The following ANLN variants were observed in gnomAD, a reference collection of about 807,000 sequenced individuals.
The protein encoded by ANLN is anillin, actin binding protein.
A neutral mutation model predicts 135.1 loss-of-function variants in ANLN; 59 were observed. The ratio of observed to expected loss-of-function variants is 0.44; its 90% CI spans 0.35 to 0.54. The LOEUF (loss-of-function observed/expected upper bound fraction) is 0.54, where lower values mean the gene tolerates loss of function less well. Ranked by LOEUF, ANLN falls within the 20% of genes least tolerant of loss-of-function variation. The probability of loss-of-function intolerance (pLI) is 0.00; values close to 1 mark genes in which losing one functional copy is unlikely to be tolerated. For synonymous variants in ANLN, 406 were observed against 456.4 expected (o/e 0.89, Z 1.41); for missense variants, 1,182 against 1,340.0 (o/e 0.88, Z 1.84).
chr7:36,438,550 T>C (rs1788640059), intron 20 of ANLN, among the ~76,000 whole-genome samples: 1 of 152,120 alleles, frequency 6.6e-6, no homozygotes. Flanking sequence ...TTTTTCATGT[T>C]TAATAGAGAC....
At chr7:36,420,075 T>C (rs1787810913) in intron 10 of ANLN, 94 bp from the exon 11 acceptor site, 2 of 1,267,550 alleles carry the variant, frequency 1.6e-6, no homozygotes, top group Non-Finnish European at 2.1e-6. Context: ...ACTGGATTTT[T>C]TTCTTAATAT....
chr7:36,450,660 C>G (rs1329409864), intron 23 of ANLN, among the ~76,000 whole-genome samples: 1 of 152,132 alleles, frequency 6.6e-6, no homozygotes, highest in African/African-American at 2.4e-5. Flanking sequence ...AGATTACTTC[C>G]AGATTTATTC....
chr7:36,408,048 A>G, intron 5 of ANLN, 92 bp downstream of exon 5: 6 of 1,025,524 alleles, frequency 5.9e-6, no homozygotes, highest in Non-Finnish European at 8.4e-6. Flanking sequence ...ATGGTACAGC[A>G]ATGATTTGCC....
chr7:36,396,045 A>G lies in ANLN; in HGVS notation c.19-221A>G, dbSNP rs138660020. ...AATTTGTGGCCGTTAAAAATCTTAT[A>G]TAACTAACTTTACATATTTTATTCC... On this transcript the variant is annotated intron_variant, in intron 1 of 23. Coordinates refer to ENST00000265748, the MANE Select transcript of ANLN (RefSeq NM_018685.5). 2.3e-3 allele frequency among the ~76,000 whole-genome samples: 351 copies of G among 152,340 alleles called. 2 individuals carry two copies. Among genetic ancestry groups the G allele is most frequent in the African/African-American group, 7.9e-3 (330 of 41,582 alleles).
chr7:36,404,470 C>A (rs549364788), intron 3 of ANLN, among the ~76,000 whole-genome samples: 2 of 152,342 alleles, frequency 1.3e-5, no homozygotes, highest in African/African-American at 4.8e-5. Flanking sequence ...TAAGCACTTA[C>A]ACACACTGTG....
intron 3 of ANLN, among the ~76,000 whole-genome samples, chr7:36,405,721 CAT>C (rs1261476890): frequency 2.6e-5 from 4 of 152,258 alleles, no homozygotes; most frequent in African/African-American, 4.8e-5. Flanking sequence ...AATGAAATAA[CAT>C]GTAGTTTATT....
At chr7:36,441,842 T>A (rs1161862387) in intron 21 of ANLN, among the ~76,000 whole-genome samples, 5 of 152,258 alleles carry the variant, frequency 3.3e-5, no homozygotes, top group Non-Finnish European at 7.3e-5. Context: ...GAGTGATTTG[T>A]GTTAACTTTC....
intron 2 of ANLN, among the ~76,000 whole-genome samples, chr7:36,398,757 C>T (rs913878199): frequency 6.6e-6 from 1 of 151,872 alleles, no homozygotes; most frequent in African/African-American, 2.4e-5. Context: ...TCTTTTATCC[C>T]TCGCCCCCCT....
chr7:36,406,347 C>G lies in ANLN; in HGVS notation c.654C>G (p.His218Gln), dbSNP rs1171493857. ...TICSWEDDVN[H>Q]SFAKQNSVQE... Reference sequence around the variant, plus strand: ...GCTCCTGGGAAGATGATGTAAATCACTCATTTGCAAAACAAAACAGTGTAC... The same window carrying G: ...GCTCCTGGGAAGATGATGTAAATCAGTCATTTGCAAAACAAAACAGTGTAC... Residue 218 changes from histidine (H) to glutamine (Q), a missense_variant, in exon 4 of 24, where the codon CAC becomes CAG. Around this residue, in one of 3 missense-constraint regions of ANLN, gnomAD observed 1,022 missense variants for 1,134.0 expected, o/e 0.90. Coordinates refer to ENST00000265748, the MANE Select transcript of ANLN (RefSeq NM_018685.5). 1 of 1,614,074 alleles carries G rather than the reference C, an allele frequency of 6.2e-7. No homozygotes were observed. Among genetic ancestry groups the G allele is most frequent in the African/African-American group, 1.3e-5 (1 of 74,936 alleles).
intron 2 of ANLN, 152 bp from the exon 3 acceptor site, chr7:36,398,927 G>C: frequency 1.6e-6 from 1 of 609,762 alleles, no homozygotes; most frequent in Non-Finnish European, 2.9e-6. Context: ...TGCTGAAAGA[G>C]AATGGGGTTT....
intron 17 of ANLN, 81 bp downstream of exon 17, chr7:36,424,823 C>A: frequency 1.4e-6 from 2 of 1,393,698 alleles, no homozygotes; most frequent in Non-Finnish European, 2.0e-6. Flanking sequence ...TTATGTACAA[C>A]TTTTAATGAT....
chr7:36,423,544 A>G (rs974191000), intron 14 of ANLN, among the ~76,000 whole-genome samples: 21 of 152,136 alleles, frequency 1.4e-4, no homozygotes, highest in African/African-American at 5.1e-4. Context: ...TCACTAGGTA[A>G]AATTCAAAAT....
chr7:36,424,558 A>G lies in ANLN; in HGVS notation c.2617A>G (p.Asn873Asp). The G allele has an allele frequency of 6.2e-7, 1 of 1,600,136 alleles. No homozygotes were observed. Among genetic ancestry groups the G allele is most frequent in the Non-Finnish European group, 8.5e-7 (1 of 1,172,556 alleles). The change falls in exon 16 of 24, where the codon AAT (asparagine) becomes GAT (aspartate). Residue 873 changes from asparagine (N) to aspartate (D), a missense_variant. Asn to Asp is a conservative substitution (Grantham distance 23). This residue lies in a region of ANLN where 1,022 missense variants were observed against 1,134.0 expected (regional missense o/e 0.90). Coordinates refer to ENST00000265748, the MANE Select transcript of ANLN (RefSeq NM_018685.5). ...TTATTTTTCCAGGCAAGATGTATCC[A>G]ATGACTTTGAAATAAATATTGAAGT... Reference protein sequence around the residue: ...TTTFTLQDVSNDFEINIEVYS... With the variant: ...TTTFTLQDVSDDFEINIEVYS...
Position 36,439,184 on chromosome 7 carries a change from T to C in ANLN, c.2884-20T>C. On this transcript the variant is annotated intron_variant, in intron 20 of 23. Coordinates refer to ENST00000265748, the MANE Select transcript of ANLN (RefSeq NM_018685.5). ...CACTTTGAACCTGTTTTGCAAATAA[T>C]TTACCTGTTTTCTTTGCAGGTCCCC... is the stretch of plus-strand genomic sequence containing the variant. 7.2e-7 allele frequency: 1 copy of C among 1,396,456 alleles called. No individual in the cohort carries two copies. Among genetic ancestry groups the C allele is most frequent in the Admixed American group, 1.8e-5 (1 of 55,606 alleles). 86.5% of individuals were successfully genotyped at this position (1,396,456 alleles called of 1,614,324 possible).
intron 1 of ANLN, among the ~76,000 whole-genome samples, chr7:36,395,034 C>T (rs1388471360): frequency 1.3e-5 from 2 of 152,044 alleles, no homozygotes; most frequent in South Asian, 2.1e-4. Context: ...TTTCTTTCCT[C>T]TTAGGAAGTG....
chr7:36,429,450 A>G (rs999964948), intron 20 of ANLN, among the ~76,000 whole-genome samples: 2 of 152,030 alleles, frequency 1.3e-5, no homozygotes, highest in African/African-American at 4.8e-5. Context: ...TGAACTCCCA[A>G]CCTCAGGCGA....
chr7:36,410,461 C>T (rs1211977233), intron 5 of ANLN, 53 bp from the exon 6 acceptor site: 30 of 1,447,548 alleles, frequency 2.1e-5, no homozygotes, highest in South Asian at 1.2e-4. Context: ...CCATAGAAAT[C>T]GTAATAATTT....
intron 23 of ANLN, among the ~76,000 whole-genome samples, chr7:36,451,741 AG>A (rs2116844665): frequency 6.6e-6 from 1 of 152,320 alleles, no homozygotes; most frequent in African/African-American, 2.4e-5. Context: ...GAACTTAAAA[AG>A]TTGTAGAATG....
intron 3 of ANLN, 93 bp downstream of exon 3, chr7:36,399,486 T>C (rs1185580885): frequency 5.3e-6 from 6 of 1,141,816 alleles, no homozygotes; most frequent in East Asian, 5.2e-5. Flanking sequence ...TCATGAAAAA[T>C]AAATGCTTTT....
Sources: gnomAD v4.1 joint callset for allele counts (sites outside exome capture counted in the v4.1 genomes callset) on GRCh38, gnomAD v4.1.1 for gene constraint, gnomAD v4.1.1 regional missense constraint, MANE v1.5 for transcripts, NCBI Gene and HGNC (gene_info 2026-07-23, HGNC 2026-07-21) for gene names.